SORCS2: variants seen among roughly 807,000 people sequenced by gnomAD.
SORCS2 encodes sortilin related VPS10 domain containing receptor 2.
A neutral mutation model predicts 141.6 loss-of-function variants in SORCS2; 100 were observed. The observed-to-expected ratio is 0.71, with a 90% confidence interval of 0.60 to 0.83. SORCS2 has a LOEUF of 0.83. Among genes scored for constraint, SORCS2 ranks in the 40% least tolerant of loss-of-function variants. SORCS2 has a pLI of 0.00. For missense variants in SORCS2, 1,646 were observed against 1,560.2 expected, an observed-to-expected ratio of 1.05 and a Z score of -0.93; for synonymous variants, 789 against 676.9, an observed-to-expected ratio of 1.17 and a Z score of -2.57.
chr4:7,511,796 C>A (rs1225146273), intron 2 of SORCS2, among the ~76,000 whole-genome samples: 1 of 152,176 alleles, frequency 6.6e-6, no homozygotes, highest in Non-Finnish European at 1.5e-5. Flanking sequence ...CCCACCCAGA[C>A]GCTCAGATGC....
chr4:7,211,919 T>C (rs897881663), intron 1 of SORCS2, among the ~76,000 whole-genome samples: 3 of 152,168 alleles, frequency 2.0e-5, no homozygotes, highest in Non-Finnish European at 2.9e-5. Context: ...GTGTTTTTTG[T>C]AGTAGTGGAA....
chr4:7,511,481 G>A (rs1732645324), intron 2 of SORCS2, among the ~76,000 whole-genome samples: 2 of 142,584 alleles, frequency 1.4e-5, no homozygotes, highest in African/African-American at 2.8e-5. Flanking sequence ...ACTTGGGGGA[G>A]GGGGGGTGGA....
chr4:7,362,766 G>A (rs562825229), intron 1 of SORCS2, among the ~76,000 whole-genome samples: 7 of 150,278 alleles, frequency 4.7e-5, no homozygotes, highest in South Asian at 2.1e-4. Context: ...CACCTCCACC[G>A]TCATTACTAC....
chr4:7,676,268 C>A (rs776808526), intron 9 of SORCS2, 39 bp downstream of exon 9: 17 of 1,539,740 alleles, frequency 1.1e-5, no homozygotes, highest in Non-Finnish European at 1.4e-5. Context: ...CTGCCGCCGA[C>A]CCCCTGCCCT....
chr4:7,672,965 T>C (rs1722880116), intron 8 of SORCS2, among the ~76,000 whole-genome samples: 1 of 152,208 alleles, frequency 6.6e-6, no homozygotes, highest in Admixed American at 6.5e-5. Context: ...CGTTGGTGTT[T>C]CCTTCCGCAT....
chr4:7,485,828 C>T (rs545453355), intron 2 of SORCS2, among the ~76,000 whole-genome samples: 4 of 152,248 alleles, frequency 2.6e-5, no homozygotes, highest in East Asian at 3.9e-4. Context: ...GGGAGGATGC[C>T]AGGGTGAAAG....
At chr4:7,702,405 C>A (rs1480304935) in intron 12 of SORCS2, among the ~76,000 whole-genome samples, 2 of 152,192 alleles carry the variant, frequency 1.3e-5, no homozygotes, top group Non-Finnish European at 2.9e-5. Context: ...CCTGGTGTGA[C>A]TTTGGAGCCA....
At chr4:7,581,653 C>G (rs972128747) in intron 3 of SORCS2, among the ~76,000 whole-genome samples, 1 of 152,126 alleles carries the variant, frequency 6.6e-6, no homozygotes, top group Non-Finnish European at 1.5e-5. Flanking sequence ...CAGATTGGGT[C>G]TTGGCTGCTG....
chr4:7,467,169 C>T (rs1729670274), intron 2 of SORCS2, among the ~76,000 whole-genome samples: 3 of 152,196 alleles, frequency 2.0e-5, no homozygotes, highest in Non-Finnish European at 4.4e-5. Context: ...CACAAGTGGT[C>T]CCCTGGATGT....
At chr4:7,487,604 G>A (rs1370074683) in intron 2 of SORCS2, among the ~76,000 whole-genome samples, 1 of 152,168 alleles carries the variant, frequency 6.6e-6, no homozygotes, top group Non-Finnish European at 1.5e-5. Context: ...CTACCATCTG[G>A]GGATCACCAG....
chr4:7,621,499 A>G (rs1372607685), intron 3 of SORCS2, among the ~76,000 whole-genome samples: 2 of 140,866 alleles, frequency 1.4e-5, no homozygotes, highest in African/African-American at 2.7e-5. Context: ...ATGTGTGTCT[A>G]TGTGTGTCTG....
chr4:7,623,095 C>T (rs1211051692), intron 3 of SORCS2, among the ~76,000 whole-genome samples: 7 of 152,086 alleles, frequency 4.6e-5, no homozygotes, highest in African/African-American at 1.7e-4. Context: ...CCATTACCCC[C>T]CCGACTGGCA....
At chr4:7,306,581 C>T (rs1717848533) in intron 1 of SORCS2, among the ~76,000 whole-genome samples, 2 of 152,180 alleles carry the variant, frequency 1.3e-5, no homozygotes, top group South Asian at 4.1e-4. Context: ...AGGAATATGG[C>T]TCTCAGGCCA....
chr4:7,338,019 G>A (rs971629487), intron 1 of SORCS2, among the ~76,000 whole-genome samples: 5 of 152,226 alleles, frequency 3.3e-5, no homozygotes, highest in African/African-American at 9.6e-5. Context: ...TGGGCATTGC[G>A]TACCTGCTGG....
chr4:7,219,906 T>C (rs4689647), intron 1 of SORCS2, among the ~76,000 whole-genome samples: 39,272 of 152,094 alleles, frequency 0.26, 5,443 homozygotes, highest in East Asian at 0.45. Context: ...CTTGCACCCC[T>C]GTCTTCTGCA....
intron 1 of SORCS2, among the ~76,000 whole-genome samples, chr4:7,283,017 A>G (rs1459136322): frequency 6.6e-6 from 1 of 151,956 alleles, no homozygotes; most frequent in Non-Finnish European, 1.5e-5. Flanking sequence ...TCATTCACCC[A>G]TTCACTCATT....
intron 1 of SORCS2, among the ~76,000 whole-genome samples, chr4:7,213,299 G>A (rs1174999886): frequency 6.6e-6 from 1 of 152,218 alleles, no homozygotes; most frequent in Non-Finnish European, 1.5e-5. Flanking sequence ...GACGGGTTAT[G>A]GGATGAAGGG....
chr4:7,581,178 GT>G (rs1258985406), intron 3 of SORCS2, among the ~76,000 whole-genome samples: 2 of 148,884 alleles, frequency 1.3e-5, no homozygotes, highest in African/African-American at 4.9e-5. Context: ...GCTACAATAA[GT>G]TTTTTAATGA....
At chr4:7,687,707 G>A (rs992359203) in intron 10 of SORCS2, among the ~76,000 whole-genome samples, 1 of 151,948 alleles carries the variant, frequency 6.6e-6, no homozygotes, top group East Asian at 1.9e-4. Context: ...TCTTTTTTTG[G>A]TTTTTAACAG....
Sources: allele counts gnomAD v4.1 joint callset (sites outside exome capture counted in the v4.1 genomes callset), GRCh38; gene constraint gnomAD v4.1.1; transcripts MANE v1.5; gene names NCBI Gene and HGNC (gene_info 2026-07-23, HGNC 2026-07-21).